Variants in LPAR3 observed in about 807,000 individuals in gnomAD.
LPAR3 encodes the protein LPA receptor 3.
LPAR3 carries 7 observed loss-of-function variants against 17.8 expected under a neutral mutation model. The ratio of observed to expected loss-of-function variants is 0.39; its 90% CI spans 0.22 to 0.74. The LOEUF (loss-of-function observed/expected upper bound fraction) is 0.74, where lower values mean the gene tolerates loss of function less well. LPAR3 is among the 30% of genes least tolerant of loss of function. The pLI, the probability that LPAR3 is intolerant of heterozygous loss-of-function variation, is 0.40. For missense variants in LPAR3, 391 were observed against 453.4 expected (o/e 0.86, Z 1.25); for synonymous variants, 179 against 179.9 (o/e 0.99, Z 0.04).
chr1:84,836,677 G>C (rs1467013826), intron 2 of LPAR3, among the ~76,000 whole-genome samples: 10 of 152,140 alleles, frequency 6.6e-5, no homozygotes, highest in Non-Finnish European at 5.9e-5. Context: ...AGCTGAGATG[G>C]CCTTTCAGGA....
intron 2 of LPAR3, among the ~76,000 whole-genome samples, chr1:84,822,198 AT>A (rs202064980): frequency 0.014 from 2,190 of 151,854 alleles, 48 homozygotes; most frequent in African/African-American, 0.05. Flanking sequence ...ATAAGAAGCA[AT>A]TTTTTTTTAT....
chr1:84,857,701 C>T (rs1237248419), intron 2 of LPAR3, among the ~76,000 whole-genome samples: 1 of 152,160 alleles, frequency 6.6e-6, no homozygotes, highest in Non-Finnish European at 1.5e-5. Context: ...TGGGTCCAAT[C>T]GTTCCAGCCC....
chr1:84,851,373 C>A (rs768542316), intron 2 of LPAR3, among the ~76,000 whole-genome samples: 14 of 152,108 alleles, frequency 9.2e-5, no homozygotes, highest in Non-Finnish European at 1.8e-4. Context: ...AGGTCCCACC[C>A]AATAAGCATG....
chr1:84,874,760 A>T (rs1220006265), intron 1 of LPAR3, among the ~76,000 whole-genome samples: 1 of 152,270 alleles, frequency 6.6e-6, no homozygotes, highest in Non-Finnish European at 1.5e-5. Context: ...AAAGTAAAAG[A>T]TGCTAATCAA....
chr1:84,859,291 A>G (rs1659889651), intron 2 of LPAR3, among the ~76,000 whole-genome samples: 1 of 152,150 alleles, frequency 6.6e-6, no homozygotes, highest in Non-Finnish European at 1.5e-5. Flanking sequence ...GCTTACTGCT[A>G]CTTTGCCTTC....
In LPAR3 at chr1:84,865,968, G is replaced by A; in HGVS notation, c.153C>T (p.Val51=). The change falls in exon 2 of 3, where the codon GTC becomes GTT. Residue 51 remains valine (V), a synonymous_variant. Transcript: ENST00000370611. ...TTCTGTTTTTGATCACTGCCGCGAT[G>A]ACCAGAGAATTAGAAAAAAAAATAA... ...CLFIFFSNSL[V]IAAVIKNRKF... The A allele has an allele frequency of 6.2e-7, 1 of 1,613,956 alleles. No homozygotes were observed. The highest frequency in any genetic ancestry group is 1.1e-5 in the South Asian group (1 of 91,040).
chr1:84,835,081 C>T (rs534457008), intron 2 of LPAR3, among the ~76,000 whole-genome samples: 18 of 152,302 alleles, frequency 1.2e-4, no homozygotes, highest in African/African-American at 4.3e-4. Flanking sequence ...CATTTCTTCT[C>T]TGGTGACACT....
chr1:84,875,636 T>C (rs1442251618), intron 1 of LPAR3, among the ~76,000 whole-genome samples: 30 of 152,258 alleles, frequency 2.0e-4, no homozygotes, highest in Admixed American at 2.0e-3. Flanking sequence ...ATTTTCTTTA[T>C]AAATTACCCA....
chr1:84,842,526 A>G (rs1659522474), intron 2 of LPAR3, among the ~76,000 whole-genome samples: 1 of 152,230 alleles, frequency 6.6e-6, no homozygotes, highest in Admixed American at 6.5e-5. Flanking sequence ...AAGATGTTTT[A>G]AAAGAAATGC....
chr1:84,870,167 A>G (rs1660132474), intron 1 of LPAR3, among the ~76,000 whole-genome samples: 1 of 152,228 alleles, frequency 6.6e-6, no homozygotes, highest in Admixed American at 6.5e-5. Context: ...CAGTTACTTC[A>G]GTCCTAGTCT....
intron 2 of LPAR3, among the ~76,000 whole-genome samples, chr1:84,830,126 A>C (rs1251875091): frequency 6.6e-6 from 1 of 152,206 alleles, no homozygotes; most frequent in African/African-American, 2.4e-5. Context: ...CCCAGGGAGA[A>C]AAGTTCTTGG....
rs147763053 is a variant in LPAR3 at position 84,823,311 on chromosome 1, T to C, written c.737-9140A>G. On this transcript the variant is annotated intron_variant, in intron 2 of 2. Coordinates refer to ENST00000370611, the MANE Select transcript of LPAR3 (RefSeq NM_012152.3). ...CTTTCAGATGTGGTATGCAGTCAAATTCATATTCATTTAGCATTTCAGAAG... is the reference window on the plus strand; with the variant it reads ...CTTTCAGATGTGGTATGCAGTCAAACTCATATTCATTTAGCATTTCAGAAG... 2.8e-3 allele frequency among the ~76,000 whole-genome samples: 424 copies of C among 152,310 alleles called. 6 individuals are homozygous for C. The highest frequency in any genetic ancestry group is 0.025 in the Admixed American group (389 of 15,284).
chr1:84,832,163 A>T (rs917681562), intron 2 of LPAR3, among the ~76,000 whole-genome samples: 1 of 152,128 alleles, frequency 6.6e-6, no homozygotes, highest in Admixed American at 6.6e-5. Flanking sequence ...TGTACTGCCG[A>T]TCCACCATGA....
chr1:84,830,380 T>G lies in LPAR3; in HGVS notation c.737-16209A>C, dbSNP rs187867603. Reference sequence around the variant, plus strand: ...AGAGGCAAATTAGCTGGGACTTCCATCCCTCATTCATATTCTTCCTCCTGC... The same window carrying G: ...AGAGGCAAATTAGCTGGGACTTCCAGCCCTCATTCATATTCTTCCTCCTGC... On this transcript the variant is annotated intron_variant, in intron 2 of 2. Coordinates refer to ENST00000370611, the MANE Select transcript of LPAR3 (RefSeq NM_012152.3). Among the ~76,000 whole-genome samples, 241 of 151,222 alleles carry G rather than the reference T, an allele frequency of 1.6e-3. 3 individuals carry two copies. Among genetic ancestry groups the G allele is most frequent in the African/African-American group, 5.8e-3 (237 of 41,160 alleles).
At chr1:84,825,209 C>T (rs966508168) in intron 2 of LPAR3, among the ~76,000 whole-genome samples, 1 of 152,208 alleles carries the variant, frequency 6.6e-6, no homozygotes, top group African/African-American at 2.4e-5. Flanking sequence ...AACATGGATG[C>T]TCTGCATTGT....
chr1:84,886,012 A>G (rs1316493557), intron 1 of LPAR3, among the ~76,000 whole-genome samples: 1 of 152,186 alleles, frequency 6.6e-6, no homozygotes, highest in African/African-American at 2.4e-5. Flanking sequence ...ATACACATAT[A>G]TTTCCTAGCT....
intron 2 of LPAR3, among the ~76,000 whole-genome samples, chr1:84,860,350 T>C (rs1462335597): frequency 4.6e-5 from 7 of 152,240 alleles, no homozygotes; most frequent in African/African-American, 1.7e-4. Context: ...AACTAAACTT[T>C]GCTGGTTCAC....
chr1:84,878,518 C>CTTCTCTTT (rs1398196532), intron 1 of LPAR3, among the ~76,000 whole-genome samples: 1 of 152,144 alleles, frequency 6.6e-6, no homozygotes, highest in African/African-American at 2.4e-5. Context: ...CCTCTCACGC[C>CTTCTCTTT]TTCTCTTTCA....
At chr1:84,855,009 A>G (rs562948740) in intron 2 of LPAR3, among the ~76,000 whole-genome samples, 1 of 152,280 alleles carries the variant, frequency 6.6e-6, no homozygotes, top group Admixed American at 6.5e-5. Flanking sequence ...TCTGGTGGTG[A>G]GGGAGAGCAG....
Sources: allele counts gnomAD v4.1 joint callset (sites outside exome capture counted in the v4.1 genomes callset), GRCh38; gene constraint gnomAD v4.1.1; transcripts MANE v1.5; gene names NCBI Gene and HGNC (gene_info 2026-07-23, HGNC 2026-07-21).